Variants in HYDIN observed in about 807,000 individuals in gnomAD.
HYDIN encodes the protein axonemal central pair apparatus protein HYDIN.
HYDIN carries 132 observed loss-of-function variants against 403.9 expected under a neutral mutation model. The ratio of observed to expected loss-of-function variants is 0.33; its 90% CI spans 0.28 to 0.38. The LOEUF is 0.38. Ranked by LOEUF, HYDIN falls within the 10% of genes least tolerant of loss-of-function variation. HYDIN has a pLI of 1.00. For missense variants in HYDIN, 2,827 were observed against 5,009.5 expected, an observed-to-expected ratio of 0.56 and a Z score of 13.15; for synonymous variants, 1,202 against 1,891.7, an observed-to-expected ratio of 0.64 and a Z score of 9.46.
rs16943491 is a variant in HYDIN at position 70,859,943 on chromosome 16, T to C, written c.12129+125A>G. On this transcript the variant is annotated intron_variant, in intron 71 of 85. Transcript: ENST00000393567. ...TGGCAGCCATTCACTAAATACTTGT[T>C]GATTGATGCACTACACCCTCAGGCA... 1,709 of 723,178 alleles carry C rather than the reference T, an allele frequency of 2.4e-3. 19 individuals are homozygous for C. The African/African-American group carries it at 0.028, about 12-fold the overall frequency. The allele number at this position is 723,178 out of a possible 1,614,324, so 44.8% of individuals were successfully genotyped here. A position where few individuals can be genotyped will look rare whatever the true frequency, so the allele number is the denominator to read the frequency against.
intron 6 of HYDIN, among the ~76,000 whole-genome samples, chr16:71,153,260 T>G (rs12103392): frequency 2.0e-5 from 3 of 152,100 alleles, no homozygotes; most frequent in African/African-American, 7.2e-5. Flanking sequence ...GAGGGCATCA[T>G]AGTGGAAAAA....
intron 5 of HYDIN, among the ~76,000 whole-genome samples, chr16:71,163,280 G>A (rs1342222274): frequency 5.9e-5 from 9 of 151,884 alleles, no homozygotes; most frequent in Non-Finnish European, 1.2e-4. Context: ...CCGCCACCAC[G>A]CCCGGCTAAT....
intron 13 of HYDIN, among the ~76,000 whole-genome samples, chr16:71,070,004 C>T (rs1266265003): frequency 2.0e-5 from 3 of 152,178 alleles, no homozygotes; most frequent in Non-Finnish European, 1.5e-5. Flanking sequence ...AGAGTGTGTC[C>T]TAGACCTGTC....
intron 10 of HYDIN, among the ~76,000 whole-genome samples, chr16:71,107,264 G>A (rs1427261380): frequency 5.3e-5 from 8 of 150,712 alleles, no homozygotes; most frequent in Non-Finnish European, 7.4e-5. Flanking sequence ...AAACCTGCAC[G>A]TTGTGCACAT....
chr16:71,028,988 G>T (rs1202013127), intron 19 of HYDIN, among the ~76,000 whole-genome samples: 1 of 149,654 alleles, frequency 6.7e-6, no homozygotes, highest in Non-Finnish European at 1.5e-5. Context: ...AATCATCACA[G>T]CAATCCAGTC....
rs1237666471 is a variant in HYDIN at position 70,874,522 on chromosome 16, G to A, written c.10731C>T (p.His3577=). Residue 3577 remains histidine (H), a synonymous_variant, in exon 64 of 86, where the codon CAC becomes CAT. Coordinates refer to ENST00000393567, the MANE Select transcript of HYDIN (RefSeq NM_001270974.2). ...GDTAEFDVVF[H]SQKVGRMRGI... is the part of the protein sequence containing the mutation. ...CTCTCATCCTCCCAACCTTCTGGGA[G>A]TGGAAAACGACATCAAATTCAGCTG... 5.2e-6 allele frequency: 3 copies of A among 582,056 alleles called. No individual in the cohort carries two copies. The highest frequency in any genetic ancestry group is 2.1e-5 in the South Asian group (1 of 47,262). 36.1% of individuals were successfully genotyped at this position (582,056 alleles called of 1,614,324 possible).
rs2076856457 is a variant in HYDIN at position 70,916,864 on chromosome 16, G to A, written c.8004+1347C>T. Among the ~76,000 whole-genome samples the A allele has an allele frequency of 2.7e-5, 4 of 148,462 alleles. 1 individual carries two copies. The highest frequency in any genetic ancestry group is 2.7e-4 in the Admixed American group (4 of 14,890). ...TCTCTTTTTCCTTCCTTCCTTCCTT[G>A]CTTCCTTCCTCTGTTTTTCTTTCTT... On this transcript the variant is annotated intron_variant, in intron 47 of 85. Coordinates refer to ENST00000393567, the MANE Select transcript of HYDIN (RefSeq NM_001270974.2).
chr16:71,050,556 C>G (rs1300934284), intron 18 of HYDIN, among the ~76,000 whole-genome samples: 1 of 152,016 alleles, frequency 6.6e-6, no homozygotes, highest in Non-Finnish European at 1.5e-5. Context: ...TTTATCCATC[C>G]CTCCCACTAA....
In HYDIN at chr16:70,857,791, G is replaced by A. The variant is rs2039118760; in HGVS notation, c.12209C>T (p.Thr4070Ile). 6.2e-7 allele frequency: 1 copy of A among 1,603,698 alleles called. No individual in the cohort carries two copies. The highest frequency in any genetic ancestry group is 1.7e-5 in the Admixed American group (1 of 58,868). ...TTTGCCTACCAGCAGGAAAGGGACTGTGATGTTGTGCTCGGGAATTAGGAA... is the reference window on the plus strand; with the variant it reads ...TTTGCCTACCAGCAGGAAAGGGACTATGATGTTGTGCTCGGGAATTAGGAA... ...WTFLIPEHNI[T>I]VPFLLVGKTT... The change falls in exon 72 of 86, where the codon ACA (threonine) becomes ATA (isoleucine). Residue 4070 changes from threonine to isoleucine, a missense_variant. Transcript: ENST00000393567.
At chr16:71,186,437 A>T (rs921290305) in intron 2 of HYDIN, among the ~76,000 whole-genome samples, 27 of 152,192 alleles carry the variant, frequency 1.8e-4, no homozygotes, top group African/African-American at 6.3e-4. Flanking sequence ...AAATTCTGAT[A>T]TTTGACTGTT....
intron 83 of HYDIN, among the ~76,000 whole-genome samples, chr16:70,820,291 T>C (rs889461736): frequency 6.9e-6 from 1 of 144,872 alleles, no homozygotes; most frequent in African/African-American, 2.6e-5. Context: ...CCTGGTTTCA[T>C]GTCATTCTCC....
chr16:71,173,854 T>C (rs1047963790), intron 5 of HYDIN, among the ~76,000 whole-genome samples: 4 of 152,156 alleles, frequency 2.6e-5, no homozygotes, highest in African/African-American at 9.7e-5. Context: ...ACGATACTTA[T>C]CCAACAGAAG....
chr16:71,064,887 A>T, intron 15 of HYDIN, 47 bp from the exon 16 acceptor site: 1 of 1,596,266 alleles, frequency 6.3e-7, no homozygotes, highest in Non-Finnish European at 8.5e-7. Flanking sequence ...GAGCTTGTTT[A>T]CATACAGAAA....
At chr16:71,062,446 T>C in intron 16 of HYDIN, 113 bp from the exon 17 acceptor site, 4 of 824,580 alleles carry the variant, frequency 4.9e-6, no homozygotes, top group South Asian at 3.8e-5. Flanking sequence ...AAATGTCTTA[T>C]TATTCAAGCA....
chr16:71,116,230 C>CTTTTT (rs3051996), intron 9 of HYDIN, among the ~76,000 whole-genome samples: 2 of 97,844 alleles, frequency 2.0e-5, no homozygotes, highest in African/African-American at 4.1e-5. Flanking sequence ...TGAGTTAGAC[C>CTTTTT]TTTTTTTTTT....
At chr16:71,094,038 T>C (rs1162661852) in intron 10 of HYDIN, 103 bp from the exon 11 acceptor site, 7 of 890,080 alleles carry the variant, frequency 7.9e-6, no homozygotes, top group Non-Finnish European at 1.2e-5. Context: ...AATTATTAAA[T>C]AGCTCCCTGC....
chr16:71,016,258 C>A (rs2080254226), intron 23 of HYDIN, among the ~76,000 whole-genome samples: 1 of 151,562 alleles, frequency 6.6e-6, no homozygotes, highest in Non-Finnish European at 1.5e-5. Flanking sequence ...TACATAAGAA[C>A]TCCAACTCAA....
chr16:71,072,939 CTTGCAGTTAAAT>C (rs1471787706), intron 13 of HYDIN, among the ~76,000 whole-genome samples: 1 of 151,428 alleles, frequency 6.6e-6, no homozygotes, highest in Non-Finnish European at 1.5e-5. Context: ...AACAACTGAC[CTTGCAGTTAAAT>C]TATGAGGTGG....
intron 42 of HYDIN, among the ~76,000 whole-genome samples, chr16:70,943,149 A>G (rs1339584374): frequency 6.6e-6 from 1 of 152,166 alleles, no homozygotes; most frequent in African/African-American, 2.4e-5. Flanking sequence ...CCATGAGCAG[A>G]AACAGGCTTA....
Sources: allele counts gnomAD v4.1 joint callset (sites outside exome capture counted in the v4.1 genomes callset), GRCh38; gene constraint gnomAD v4.1.1; transcripts MANE v1.5; gene names NCBI Gene and HGNC (gene_info 2026-07-23, HGNC 2026-07-21).